Variants in VPS13B observed in about 807,000 individuals in gnomAD.
VPS13B encodes the protein intermembrane lipid transfer protein VPS13B.
In VPS13B, 285 loss-of-function variants were observed where a neutral mutation model predicts 426.4. The ratio of observed to expected loss-of-function variants is 0.67; its 90% CI spans 0.61 to 0.74. The LOEUF (loss-of-function observed/expected upper bound fraction) is 0.74, where lower values mean the gene tolerates loss of function less well. VPS13B is among the 30% of genes least tolerant of loss of function. The pLI is 0.00. For missense variants in VPS13B, 4,537 were observed against 4,782.6 expected (o/e 0.95, Z 1.51); for synonymous variants, 1,676 against 1,676.4 (o/e 1.00, Z 0.01).
rs551076632 is a variant in VPS13B at position 99,716,455 on chromosome 8, T to A, written c.6455-716T>A. ...GAAAGTTAACTCACCACTCTTAACT[T>A]TGCATCTAAATATCCTAAAATGTGC... On this transcript the variant is annotated intron_variant, in intron 36 of 61. Coordinates refer to ENST00000357162, the MANE Select transcript of VPS13B (RefSeq NM_152564.5). Among the ~76,000 whole-genome samples, 18 of 152,252 alleles carry A rather than the reference T, an allele frequency of 1.2e-4. No homozygotes were observed. In the South Asian group the frequency reaches 3.7e-3, roughly 32 times the overall value.
intron 19 of VPS13B, among the ~76,000 whole-genome samples, chr8:99,329,692 C>G (rs1054152380): frequency 6.6e-6 from 1 of 152,002 alleles, no homozygotes; most frequent in Admixed American, 6.6e-5. Context: ...TGAACTTTAT[C>G]TTTCTGTTTT....
In VPS13B at chr8:99,696,317, C is replaced by T. The variant is rs900795806; in HGVS notation, c.6047-3208C>T. ...CCCACAGAGGTGGTGGTGAATAAGT[C>T]GCTCGGGCAGAGGGAGCTGGATGAG... On this transcript the variant is annotated intron_variant, in intron 35 of 61. Coordinates refer to ENST00000357162, the MANE Select transcript of VPS13B (RefSeq NM_152564.5). 1.7e-4 allele frequency: 43 copies of T among 248,704 alleles called. 1 individual carries two copies. Among genetic ancestry groups the T allele is most frequent in the Admixed American group, 1.4e-3 (29 of 20,318 alleles). 15.4% of individuals were successfully genotyped at this position (248,704 alleles called of 1,614,324 possible). A position where few individuals can be genotyped will look rare whatever the true frequency, so the allele number is the denominator to read the frequency against.
At chr8:99,086,815 G>A (rs1845836206) in intron 3 of VPS13B, among the ~76,000 whole-genome samples, 1 of 152,140 alleles carries the variant, frequency 6.6e-6, no homozygotes, top group African/African-American at 2.4e-5. Context: ...TGTTCCTCTG[G>A]AAGCTTTGTC....
intron 30 of VPS13B, among the ~76,000 whole-genome samples, chr8:99,540,069 T>A (rs1287897481): frequency 8.0e-5 from 3 of 37,418 alleles, no homozygotes; most frequent in Admixed American, 3.6e-4. Flanking sequence ...ATATATTTTT[T>A]TTTTTTTTTT....
intron 19 of VPS13B, among the ~76,000 whole-genome samples, chr8:99,288,100 A>G (rs1819541993): frequency 6.6e-6 from 1 of 152,082 alleles, no homozygotes; most frequent in African/African-American, 2.4e-5. Context: ...AAATCAGTAT[A>G]TTCCTAGAAG....
At chr8:99,611,654 A>G (rs757911204) in intron 33 of VPS13B, among the ~76,000 whole-genome samples, 30 of 152,068 alleles carry the variant, frequency 2.0e-4, no homozygotes, top group Non-Finnish European at 3.2e-4. Context: ...CAGCATTTTT[A>G]CACTCTAAGC....
chr8:99,191,152 C>G (rs1421054266), intron 16 of VPS13B, among the ~76,000 whole-genome samples: 1 of 151,780 alleles, frequency 6.6e-6, no homozygotes, highest in Non-Finnish European at 1.5e-5. Flanking sequence ...GATGAGGAGT[C>G]TGCTTTCATT....
chr8:99,705,858 A>G (rs1472363258), intron 36 of VPS13B, among the ~76,000 whole-genome samples: 1 of 152,150 alleles, frequency 6.6e-6, no homozygotes, highest in African/African-American at 2.4e-5. Context: ...TGATGTATGT[A>G]TTTCAAAGCT....
At chr8:99,192,447 G>A (rs1247493513) in intron 16 of VPS13B, among the ~76,000 whole-genome samples, 3 of 152,114 alleles carry the variant, frequency 2.0e-5, no homozygotes, top group African/African-American at 7.2e-5. Context: ...TTTCCCATTT[G>A]AAAAACTAGT....
rs1315828616 is a variant in VPS13B at position 99,135,178 on chromosome 8, G to A, written c.1425+41G>A. 8.7e-6 allele frequency: 14 copies of A among 1,610,704 alleles called. No homozygotes were observed. In the South Asian group the frequency reaches 9.9e-5, roughly 11 times the overall value. On this transcript the variant is annotated intron_variant, in intron 10 of 61. Coordinates refer to ENST00000357162, the MANE Select transcript of VPS13B (RefSeq NM_152564.5). Reference sequence around the variant, plus strand: ...CCATCCTTTTTTGGATAGGATATAGGAATAATTAAGTGCTTACTGAAGTGT... The same window carrying A: ...CCATCCTTTTTTGGATAGGATATAGAAATAATTAAGTGCTTACTGAAGTGT...
chr8:99,124,893 A>AAC (rs977258068), intron 8 of VPS13B, among the ~76,000 whole-genome samples: 3 of 151,488 alleles, frequency 2.0e-5, no homozygotes, highest in African/African-American at 7.3e-5. Flanking sequence ...AAAAAAAAAA[A>AAC]AAAAAAAAAG....
intron 8 of VPS13B, among the ~76,000 whole-genome samples, chr8:99,132,181 G>A (rs1324034700): frequency 6.6e-6 from 1 of 152,178 alleles, no homozygotes; most frequent in East Asian, 1.9e-4. Context: ...ACAGGCGTGA[G>A]CCACTGTGTC....
intron 14 of VPS13B, among the ~76,000 whole-genome samples, chr8:99,151,738 A>G (rs72670300): frequency 0.28 from 43,017 of 151,896 alleles, 7,102 homozygotes; most frequent in East Asian, 0.43. Context: ...TCTCCATGTC[A>G]GTCAGGCTGG....
At chr8:99,825,796 AG>A (rs1253975590) in intron 51 of VPS13B, among the ~76,000 whole-genome samples, 1 of 152,182 alleles carries the variant, frequency 6.6e-6, no homozygotes, top group Non-Finnish European at 1.5e-5. Context: ...ATGGCTAGCG[AG>A]TTTTCCCAAC....
intron 21 of VPS13B, among the ~76,000 whole-genome samples, chr8:99,418,515 C>CTTG (rs1554779655): frequency 7.8e-4 from 64 of 82,234 alleles, no homozygotes; most frequent in African/African-American, 2.9e-3. Context: ...TTCTTTCTTT[C>CTTG]CTTTCTTTCT....
chr8:99,186,908 A>G (rs565773613), intron 16 of VPS13B, among the ~76,000 whole-genome samples: 7 of 152,254 alleles, frequency 4.6e-5, no homozygotes, highest in South Asian at 2.1e-4. Flanking sequence ...ATTCAAGTCT[A>G]TGTTATCCAT....
intron 31 of VPS13B, among the ~76,000 whole-genome samples, chr8:99,559,039 G>A (rs1209871898): frequency 1.3e-5 from 2 of 152,164 alleles, no homozygotes; most frequent in Non-Finnish European, 2.9e-5. Flanking sequence ...GTGTAAAAGT[G>A]TTCCTATTTC....
chr8:99,311,576 T>A (rs1563661245), intron 19 of VPS13B, among the ~76,000 whole-genome samples: 2 of 152,130 alleles, frequency 1.3e-5, no homozygotes, highest in Non-Finnish European at 2.9e-5. Context: ...TGCTGAGGAG[T>A]GCTTTACTTC....
At chr8:99,017,290 G>T (rs563595623) in intron 2 of VPS13B, among the ~76,000 whole-genome samples, 1 of 152,214 alleles carries the variant, frequency 6.6e-6, no homozygotes, top group South Asian at 2.1e-4. Flanking sequence ...AAATCAGGTT[G>T]CCATATGTGT....
Sources: allele counts gnomAD v4.1 joint callset (sites outside exome capture counted in the v4.1 genomes callset), GRCh38; gene constraint gnomAD v4.1.1; transcripts MANE v1.5; gene names NCBI Gene and HGNC (gene_info 2026-07-23, HGNC 2026-07-21).